The following CPEB2 variants were observed in gnomAD, a reference collection of about 807,000 sequenced individuals.
The protein encoded by CPEB2 is cytoplasmic polyadenylation element binding protein 2.
A neutral mutation model predicts 93.6 loss-of-function variants in CPEB2; 56 were observed. The ratio of observed to expected loss-of-function variants is 0.60; its 90% CI spans 0.48 to 0.75. The LOEUF (loss-of-function observed/expected upper bound fraction) is 0.75, where lower values mean the gene tolerates loss of function less well. CPEB2 is among the 30% of genes least tolerant of loss of function. The pLI is 0.00. For missense variants in CPEB2, 1,579 were observed against 1,395.1 expected (o/e 1.13, Z -2.10); for synonymous variants, 764 against 586.3 (o/e 1.30, Z -4.38).
chr4:15,059,113 C>T (rs1261949690), intron 9 of CPEB2, 74 bp from the exon 10 acceptor site: 1 of 825,572 alleles, frequency 1.2e-6, no homozygotes, highest in Non-Finnish European at 1.9e-6. Flanking sequence ...TCACTATTAA[C>T]TGGCAAAAAC....
intron 5 of CPEB2, among the ~76,000 whole-genome samples, chr4:15,036,203 T>C (rs13127408): frequency 0.81 from 123,556 of 152,028 alleles, 50,821 homozygotes; most frequent in Middle Eastern, 0.88. Flanking sequence ...AATAAATACC[T>C]GTATATCTCA....
Position 15,002,947 on chromosome 4 carries a change from A to C in CPEB2, c.274A>C (p.Thr92Pro), listed in dbSNP as rs1213749282. The change falls in exon 1 of 12, where the codon ACC becomes CCC. Residue 92 changes from threonine to proline, a missense_variant. Thr to Pro is a conservative substitution (Grantham distance 38). This residue lies in a region of CPEB2 where 1,411 missense variants were observed against 1,056.0 expected (regional missense o/e 1.34). Transcript: ENST00000538197. Reference sequence around the variant, plus strand: ...CTCCCCGTTCCTGGCGCATCAGCAGACCATGCAGGATGAGCTGCTTCTGGG... The same window carrying C: ...CTCCCCGTTCCTGGCGCATCAGCAGCCCATGCAGGATGAGCTGCTTCTGGG... ...SSSPFLAHQQ[T>P]MQDELLLGLT... 2.0e-6 allele frequency: 3 copies of C among 1,513,908 alleles called. No homozygotes were observed. Among genetic ancestry groups the C allele is most frequent in the Non-Finnish European group, 2.6e-6 (3 of 1,141,236 alleles). The allele number at this position is 1,513,908 out of a possible 1,614,324, so 93.8% of individuals were successfully genotyped here.
chr4:15,004,273 C>T lies in CPEB2; in HGVS notation c.1600C>T (p.Gln534Ter). ...GTCGCCCGTCAGCCCGCAGCTCCAG[C>T]AGCAGCACCAGGCGGCGGCCGCCGC... ...RRSPVSPQLQ[Q>*]QHQAAAAAFL... Residue 534 changes from glutamine (Q) to a stop codon, truncating the protein, a stop_gained, in exon 1 of 12, where the codon CAG becomes TAG. Coordinates refer to ENST00000538197, the MANE Select transcript of CPEB2 (RefSeq NM_001177382.2). LOFTEE classifies it high-confidence loss of function. The T allele has an allele frequency of 6.7e-7, 1 of 1,495,618 alleles. No individual in the cohort carries two copies. Among genetic ancestry groups the T allele is most frequent in the Non-Finnish European group, 8.8e-7 (1 of 1,130,162 alleles). The allele number at this position is 1,495,618 out of a possible 1,614,324, so 92.6% of individuals were successfully genotyped here.
rs948041050 is a variant in CPEB2 at position 15,003,187 on chromosome 4, C to T, written c.514C>T (p.Gln172Ter). 2 of 1,534,328 alleles carry T rather than the reference C, an allele frequency of 1.3e-6. No homozygotes were observed. The highest frequency in any genetic ancestry group is 2.7e-5 in the African/African-American group (2 of 72,790). Residue 172 changes from glutamine (Q) to a stop codon, truncating the protein, a stop_gained, in exon 1 of 12, where the codon CAG (glutamine) becomes TAG (stop). Coordinates refer to ENST00000538197, the MANE Select transcript of CPEB2 (RefSeq NM_001177382.2). LOFTEE classifies it high-confidence loss of function. ...GCAGGACTTCAGTAAGCGGCAGCAG[C>T]AGCAGCTGAGCAGCCAGAAGAGGAA... ...SPQDFSKRQQ[Q>*]QLSSQKRKEF...
Position 15,062,161 on chromosome 4 carries a change from A to G in CPEB2, c.2778A>G (p.Pro926=), listed in dbSNP as rs1474770248. ...ATACAGATCCTGAGCTAAAATACCC[A>G]AAAGGTGCTGGGCGAGTTGCTTTCT... is the stretch of plus-strand genomic sequence containing the variant. ...GIDTDPELKY[P]KGAGRVAFSN... The change falls in exon 11 of 12, where the codon CCA becomes CCG. Residue 926 remains proline (P), a synonymous_variant. Transcript: ENST00000538197. The G allele has an allele frequency of 1.2e-6, 2 of 1,612,866 alleles. No individual in the cohort carries two copies. Among genetic ancestry groups the G allele is most frequent in the Admixed American group, 1.7e-5 (1 of 59,946 alleles).
At chr4:15,007,161 C>G (rs985801102) in intron 1 of CPEB2, 144 bp from the exon 2 acceptor site, 5 of 606,698 alleles carry the variant, frequency 8.2e-6, no homozygotes. Context: ...GATCTCAAGA[C>G]TGTTACTTTT....
At chr4:15,008,829 A>G (rs1723129616) in intron 3 of CPEB2, among the ~76,000 whole-genome samples, 1 of 152,196 alleles carries the variant, frequency 6.6e-6, no homozygotes, top group Non-Finnish European at 1.5e-5. Context: ...AATTTTTGTC[A>G]TGAAGTCTGT....
Position 15,003,174 on chromosome 4 carries a change from T to C in CPEB2, c.501T>C (p.Ser167=). ...GCACCTCCTCCCCGCAGGACTTCAG[T>C]AAGCGGCAGCAGCAGCAGCTGAGCA... is the stretch of plus-strand genomic sequence containing the variant. ...CCRTSSPQDF[S]KRQQQQLSSQ... The change falls in exon 1 of 12, where the codon AGT becomes AGC. Residue 167 remains serine (S), a synonymous_variant. Coordinates refer to ENST00000538197, the MANE Select transcript of CPEB2 (RefSeq NM_001177382.2). The C allele has an allele frequency of 6.5e-7, 1 of 1,533,312 alleles. No individual in the cohort carries two copies. The highest frequency in any genetic ancestry group is 8.7e-7 in the Non-Finnish European group (1 of 1,145,740). The allele number at this position is 1,533,312 out of a possible 1,614,324, so 95.0% of individuals were successfully genotyped here.
chr4:15,008,150 T>C (rs1054416410), intron 2 of CPEB2, among the ~76,000 whole-genome samples, 188 bp from the exon 3 acceptor site: 8 of 152,240 alleles, frequency 5.3e-5, no homozygotes, highest in Non-Finnish European at 8.8e-5. Flanking sequence ...TTTTATTATT[T>C]TCTTGAAGTT....
At chr4:15,019,544 C>T (rs1724587375) in intron 4 of CPEB2, among the ~76,000 whole-genome samples, 1 of 151,850 alleles carries the variant, frequency 6.6e-6, no homozygotes, top group South Asian at 2.1e-4. Context: ...GTATTTCGCC[C>T]TCTGTCTCAT....
At chr4:15,058,398 C>T in intron 8 of CPEB2, 23 bp from the exon 9 acceptor site, 1 of 1,392,990 alleles carries the variant, frequency 7.2e-7, no homozygotes, top group Non-Finnish European at 1.0e-6. Flanking sequence ...GACATATTGC[C>T]TCATCTTTAA....
Position 15,067,775 on chromosome 4 carries a change from A to G in CPEB2, c.*1395A>G, listed in dbSNP as rs1355301447. ...TTGAACTTGCTTATGTGTTTAACCTATAAATATTGGGGTCTTCTGTCTAAA... is the reference window on the plus strand; with the variant it reads ...TTGAACTTGCTTATGTGTTTAACCTGTAAATATTGGGGTCTTCTGTCTAAA... On this transcript the variant is annotated 3_prime_UTR_variant, in exon 12 of 12. Coordinates refer to ENST00000538197, the MANE Select transcript of CPEB2 (RefSeq NM_001177382.2). 1.3e-5 allele frequency: 2 copies of G among 152,434 alleles called. No individual in the cohort carries two copies. Among genetic ancestry groups the G allele is most frequent in the Non-Finnish European group, 2.9e-5 (2 of 67,922 alleles). 9.4% of individuals were successfully genotyped at this position (152,434 alleles called of 1,614,324 possible).
intron 8 of CPEB2, among the ~76,000 whole-genome samples, chr4:15,057,058 T>A (rs929957239): frequency 6.6e-6 from 1 of 152,246 alleles, no homozygotes; most frequent in Non-Finnish European, 1.5e-5. Context: ...TTTAATATAC[T>A]ATTTTAGTAA....
At chr4:15,025,916 CT>C (rs1277042307) in intron 4 of CPEB2, among the ~76,000 whole-genome samples, 1 of 152,070 alleles carries the variant, frequency 6.6e-6, no homozygotes, top group Non-Finnish European at 1.5e-5. Flanking sequence ...TTTTATGATC[CT>C]GTTCTAGTGT....
rs1237218553 is a variant in CPEB2 at position 15,067,040 on chromosome 4, C to G, written c.*660C>G. On this transcript the variant is annotated 3_prime_UTR_variant, in exon 12 of 12. Transcript: ENST00000538197. ...AATACGGGACTGAAAACGTTAGAGA[C>G]ACACTGCATTGCAGATAAAATGCAG... 6.5e-6 allele frequency: 1 copy of G among 152,688 alleles called. No homozygotes were observed. Among genetic ancestry groups the G allele is most frequent in the Non-Finnish European group, 1.5e-5 (1 of 68,184 alleles). 9.5% of individuals were successfully genotyped at this position (152,688 alleles called of 1,614,324 possible).
At chr4:15,015,646 T>C (rs1369048174) in intron 3 of CPEB2, among the ~76,000 whole-genome samples, 2 of 151,996 alleles carry the variant, frequency 1.3e-5, no homozygotes, top group African/African-American at 4.8e-5. Context: ...CTTCTCTGGA[T>C]TGTGGACTCC....
intron 4 of CPEB2, among the ~76,000 whole-genome samples, chr4:15,029,742 G>A (rs904541479): frequency 6.6e-6 from 1 of 152,032 alleles, no homozygotes; most frequent in Non-Finnish European, 1.5e-5. Flanking sequence ...TGATTTTCAT[G>A]GATTGAAGCT....
intron 6 of CPEB2, among the ~76,000 whole-genome samples, chr4:15,042,381 A>G (rs937229823): frequency 1.3e-5 from 2 of 152,204 alleles, no homozygotes; most frequent in Admixed American, 6.5e-5. Context: ...GGAACCAGCT[A>G]TCATTCCTAT....
intron 3 of CPEB2, among the ~76,000 whole-genome samples, chr4:15,015,632 G>C (rs914090277): frequency 6.6e-6 from 1 of 151,912 alleles, no homozygotes; most frequent in African/African-American, 2.4e-5. Context: ...AACTGATTCT[G>C]AATCTTCTCT....
Sources: gnomAD v4.1 joint callset for allele counts (sites outside exome capture counted in the v4.1 genomes callset) on GRCh38, gnomAD v4.1.1 for gene constraint, gnomAD v4.1.1 regional missense constraint, MANE v1.5 for transcripts, NCBI Gene and HGNC (gene_info 2026-07-23, HGNC 2026-07-21) for gene names.